The following MED13L variants were observed in gnomAD, a reference collection of about 807,000 sequenced individuals.
MED13L encodes mediator complex subunit 13L.
In MED13L, 7 loss-of-function variants were observed where a neutral mutation model predicts 220.9. The ratio of observed to expected loss-of-function variants is 0.03; its 90% confidence interval spans 0.02 to 0.06. The LOEUF (loss-of-function observed/expected upper bound fraction) is 0.06. MED13L is among the 10% of genes least tolerant of loss of function. The pLI, the probability that MED13L is intolerant of heterozygous loss-of-function variation, is 1.00. For missense variants in MED13L, 1,965 were observed against 2,760.5 expected (o/e 0.71, Z 6.46); for synonymous variants, 1,011 against 1,015.2 (o/e 1.00, Z 0.08).
At chr12:116,159,504 TAAAAG>T (rs1281414421) in intron 2 of MED13L, among the ~76,000 whole-genome samples, 1 of 152,126 alleles carries the variant, frequency 6.6e-6, no homozygotes, top group Non-Finnish European at 1.5e-5. Flanking sequence ...AGCAGGTAAT[TAAAAG>T]AAAAATCTTC....
At chr12:115,993,625 G>A (rs1878210634) in intron 16 of MED13L, among the ~76,000 whole-genome samples, 1 of 151,796 alleles carries the variant, frequency 6.6e-6, no homozygotes, top group Non-Finnish European at 1.5e-5. Context: ...AGTTAAGTGT[G>A]TAATAACGAT....
At chr12:115,993,207 A>G (rs1878179833) in intron 16 of MED13L, among the ~76,000 whole-genome samples, 1 of 152,208 alleles carries the variant, frequency 6.6e-6, no homozygotes, top group Admixed American at 6.5e-5. Context: ...GGGTCCTGGA[A>G]TCAATCCCCC....
Position 116,277,110 on chromosome 12 carries a change from C to T in MED13L, c.22G>A (p.Val8Met). 6.3e-7 allele frequency: 1 copy of T among 1,588,744 alleles called. No homozygotes were observed. The highest frequency in any genetic ancestry group is 8.6e-7 in the Non-Finnish European group (1 of 1,169,332). ...TCCTCCAGGCTCGCCCCGTTCGCCA[C>T]CCAGTTCGCTGCCGCAGTCATGATC... MTAAANWVANGASLEDCH... is the reference protein window; with the variant it reads MTAAANWMANGASLEDCH... Residue 8 changes from valine to methionine, a missense_variant, in exon 1 of 31, where the codon GTG becomes ATG. By Grantham distance (21) the Val-to-Met change is conservative (BLOSUM62 1). Coordinates refer to ENST00000281928, the MANE Select transcript of MED13L (RefSeq NM_015335.5).
chr12:115,994,011 T>C (rs1878242073), intron 16 of MED13L, among the ~76,000 whole-genome samples: 1 of 152,094 alleles, frequency 6.6e-6, no homozygotes, highest in South Asian at 2.1e-4. Context: ...TACTGTCCAA[T>C]AAGGTAGCCA....
intron 16 of MED13L, among the ~76,000 whole-genome samples, chr12:115,994,559 G>T (rs762346405): frequency 6.6e-6 from 1 of 152,202 alleles, no homozygotes; most frequent in Admixed American, 6.5e-5. Flanking sequence ...GATGGCAAAT[G>T]AAAGATGTAA....
chr12:116,109,060 C>CTTTTT (rs751600660), intron 3 of MED13L, among the ~76,000 whole-genome samples: 3 of 97,112 alleles, frequency 3.1e-5, no homozygotes, highest in Admixed American at 1.3e-4. Flanking sequence ...AATTAATTTC[C>CTTTTT]TTTTTTTTTT....
intron 22 of MED13L, 34 bp from the exon 23 acceptor site, chr12:115,980,972 C>A (rs762768550): frequency 1.9e-6 from 3 of 1,576,062 alleles, no homozygotes; most frequent in East Asian, 2.2e-5. Flanking sequence ...AAACAAAAAC[C>A]AAAAACCTAG....
rs1274551266 is a variant in MED13L, at chr12:115,975,844, A to G, written c.5365-106T>C. The G allele has an allele frequency of 6.7e-6, 7 of 1,041,008 alleles. No homozygotes were observed. In the East Asian group the frequency reaches 1.8e-4, roughly 27 times the overall value. 64.5% of individuals were successfully genotyped at this position (1,041,008 alleles called of 1,614,324 possible). On this transcript the variant is annotated intron_variant, in intron 23 of 30. Coordinates refer to ENST00000281928, the MANE Select transcript of MED13L (RefSeq NM_015335.5). ...GGACCCACAGGGAGTAATGGTAGTAAATCGTTTCTCTCTCTCTCTCTCCAG... is the reference window on the plus strand; with the variant it reads ...GGACCCACAGGGAGTAATGGTAGTAGATCGTTTCTCTCTCTCTCTCTCCAG...
intron 1 of MED13L, among the ~76,000 whole-genome samples, chr12:116,264,082 A>AT (rs1346100680): frequency 6.6e-6 from 1 of 152,168 alleles, no homozygotes; most frequent in Non-Finnish European, 1.5e-5. Context: ...TCAGAAGGGT[A>AT]TTAAACTGTT....
At chr12:116,213,943 A>C (rs868457087) in intron 2 of MED13L, among the ~76,000 whole-genome samples, 2 of 152,218 alleles carry the variant, frequency 1.3e-5, no homozygotes, top group Non-Finnish European at 2.9e-5. Flanking sequence ...TAGCAAACAC[A>C]GTGTTACATC....
chr12:115,996,476 T>A lies in MED13L; in HGVS notation c.2996A>T (p.Asn999Ile), dbSNP rs1420950414. The A allele has an allele frequency of 1.2e-6, 2 of 1,610,988 alleles. No individual in the cohort carries two copies. The highest frequency in any genetic ancestry group is 3.3e-5 in the Admixed American group (2 of 60,020). Residue 999 changes from asparagine (N) to isoleucine (I), a missense_variant and splice_region_variant, in exon 16 of 31, where the codon AAT (asparagine) becomes ATT (isoleucine). Transcript: ENST00000281928. ...PAATFIRDGY[N>I]NVPSVGSLAD... is the part of the protein sequence containing the mutation. ...TAAATGACACAATCCCTATACATAC[T>A]TGTAGCCATCTCTAATGAAAGTGGC...
chr12:116,249,879 T>G (rs560870398), intron 1 of MED13L, among the ~76,000 whole-genome samples: 20 of 151,124 alleles, frequency 1.3e-4, no homozygotes, highest in African/African-American at 4.4e-4. Context: ...TCAGGCAATC[T>G]AACATACACG....
intron 29 of MED13L, among the ~76,000 whole-genome samples, 190 bp from the exon 30 acceptor site, chr12:115,963,709 G>GA: frequency 6.6e-6 from 1 of 150,682 alleles, no homozygotes; most frequent in South Asian, 2.1e-4. Context: ...CCTAGAGTTG[G>GA]AAAAAAACAA....
intron 2 of MED13L, among the ~76,000 whole-genome samples, chr12:116,188,474 TA>T (rs1249918215): frequency 6.6e-6 from 1 of 152,200 alleles, no homozygotes; most frequent in Non-Finnish European, 1.5e-5. Context: ...CCCTAGCTAG[TA>T]AGGGGAAAAG....
intron 4 of MED13L, among the ~76,000 whole-genome samples, chr12:116,055,895 C>CA (rs759636960): frequency 0.015 from 1,936 of 129,856 alleles, 32 homozygotes; most frequent in African/African-American, 0.046. Context: ...TCCCCGTCTC[C>CA]AAAAAAAAAA....
intron 4 of MED13L, among the ~76,000 whole-genome samples, chr12:116,068,878 C>A (rs1028615102): frequency 1.3e-5 from 2 of 151,982 alleles, no homozygotes; most frequent in Non-Finnish European, 2.9e-5. Context: ...GCGTGCATGT[C>A]CCTCATTTAA....
intron 2 of MED13L, among the ~76,000 whole-genome samples, chr12:116,212,719 A>G (rs543009171): frequency 4.6e-5 from 7 of 152,340 alleles, no homozygotes; most frequent in South Asian, 2.1e-4. Flanking sequence ...ACAAAATCAA[A>G]TAAGTTCACC....
chr12:115,966,306 T>C, intron 28 of MED13L, 63 bp from the exon 29 acceptor site: 1 of 1,575,444 alleles, frequency 6.3e-7, no homozygotes, highest in Admixed American at 1.7e-5. Context: ...AAATGAACTT[T>C]CATCAGTTCA....
chr12:116,123,291 G>A (rs1403227116), intron 2 of MED13L, among the ~76,000 whole-genome samples: 2 of 152,184 alleles, frequency 1.3e-5, no homozygotes, highest in East Asian at 3.9e-4. Context: ...AAACAAGGCT[G>A]TATGTTCAGA....
Sources: allele counts gnomAD v4.1 joint callset (sites outside exome capture counted in the v4.1 genomes callset), GRCh38; gene constraint gnomAD v4.1.1; transcripts MANE v1.5; gene names NCBI Gene and HGNC (gene_info 2026-07-23, HGNC 2026-07-21).